The following NDST3 variants were observed in gnomAD, a reference collection of about 807,000 sequenced individuals.
NDST3 encodes the protein bifunctional heparan sulfate N-deacetylase/N-sulfotransferase 3.
Under a neutral mutation model 96.1 loss-of-function variants are expected in NDST3, and 58 were observed. That is an observed-to-expected ratio of 0.60 (90% CI 0.49 to 0.75). The LOEUF is 0.75. Among genes scored for constraint, NDST3 ranks in the 30% least tolerant of loss-of-function variants. The pLI is 0.00. For synonymous variants in NDST3, 333 were observed against 359.7 expected, an observed-to-expected ratio of 0.93 and a Z score of 0.84; for missense variants, 788 against 1,034.2, an observed-to-expected ratio of 0.76 and a Z score of 3.27.
chr4:118,125,727 A>C lies in NDST3; in HGVS notation c.1224+10767A>C, dbSNP rs576673392. Among the ~76,000 whole-genome samples, 5 of 152,190 alleles carry C rather than the reference A, an allele frequency of 3.3e-5. No individual in the cohort carries two copies. The East Asian group carries it at 9.6e-4, about 29-fold the overall frequency. ...TACTTGTACAACCCCTTTATTTTAC[A>C]ATTTTTTAGAAAATGAAAAATCAGA... On this transcript the variant is annotated intron_variant, in intron 4 of 13. Coordinates refer to ENST00000296499, the MANE Select transcript of NDST3 (RefSeq NM_004784.3).
intron 6 of NDST3, among the ~76,000 whole-genome samples, chr4:118,214,665 C>A (rs1012095446): frequency 6.6e-6 from 1 of 152,006 alleles, no homozygotes; most frequent in African/African-American, 2.4e-5. Flanking sequence ...TTTTAAAGAA[C>A]CCAGGTAAGA....
intron 6 of NDST3, among the ~76,000 whole-genome samples, chr4:118,150,830 A>G (rs562468973): frequency 3.3e-5 from 5 of 152,152 alleles, no homozygotes; most frequent in Admixed American, 2.0e-4. Context: ...TCAGTGTGGC[A>G]ATTCCTCAAG....
At chr4:118,147,281 GAGTGTTCGTTGATT>G (rs1171415868) in intron 6 of NDST3, among the ~76,000 whole-genome samples, 2 of 152,170 alleles carry the variant, frequency 1.3e-5, no homozygotes, top group Non-Finnish European at 2.9e-5. Flanking sequence ...ACAGACCTCA[GAGTGTTCGTTGATT>G]AAGGATGGTA....
intron 8 of NDST3, among the ~76,000 whole-genome samples, chr4:118,231,645 A>C (rs909759537): frequency 1.6e-4 from 25 of 152,096 alleles, no homozygotes. Flanking sequence ...CTAGCTATTG[A>C]CTTGGAATAT....
Position 118,053,980 on chromosome 4 carries a change from G to C in NDST3, c.70G>C (p.Val24Leu), listed in dbSNP as rs1299918208. 6.2e-7 allele frequency: 1 copy of C among 1,611,694 alleles called. No individual in the cohort carries two copies. The highest frequency in any genetic ancestry group is 8.5e-7 in the Non-Finnish European group (1 of 1,178,800). The change falls in exon 2 of 14, where the codon GTG (valine) becomes CTG (leucine). Residue 24 changes from valine (V) to leucine (L), a missense_variant. Physicochemically the swap from Val to Leu is conservative, Grantham distance 32 (BLOSUM62 1). Coordinates refer to ENST00000296499, the MANE Select transcript of NDST3 (RefSeq NM_004784.3). Reference sequence around the variant, plus strand: ...CATTCTGCTTGCCACTTTTTGTATGGTGAGCATTATCATTTCTGCTTACTA... The same window carrying C: ...CATTCTGCTTGCCACTTTTTGTATGCTGAGCATTATCATTTCTGCTTACTA... ...TVILLATFCM[V>L]SIIISAYYLY...
At chr4:118,089,388 G>T (rs1728689036) in intron 2 of NDST3, among the ~76,000 whole-genome samples, 1 of 151,770 alleles carries the variant, frequency 6.6e-6, no homozygotes, top group Admixed American at 6.6e-5. Context: ...TGTTATCCTG[G>T]ACTTCTGGTG....
At chr4:118,105,494 G>A (rs1578646953) in intron 3 of NDST3, among the ~76,000 whole-genome samples, 1 of 152,118 alleles carries the variant, frequency 6.6e-6, no homozygotes, top group African/African-American at 2.4e-5. Flanking sequence ...GTAGTATTCT[G>A]ACTTCTAATA....
At chr4:118,131,704 C>T (rs997050153) in intron 4 of NDST3, among the ~76,000 whole-genome samples, 124 of 152,000 alleles carry the variant, frequency 8.2e-4, no homozygotes, top group African/African-American at 2.9e-3. Flanking sequence ...TTACTATAGA[C>T]TTTGCAGTCT....
At chr4:118,074,904 C>CT (rs1234845746) in intron 2 of NDST3, among the ~76,000 whole-genome samples, 3 of 151,912 alleles carry the variant, frequency 2.0e-5, no homozygotes, top group African/African-American at 7.3e-5. Flanking sequence ...TTAAGGACTT[C>CT]TTTTTTTATT....
intron 2 of NDST3, among the ~76,000 whole-genome samples, chr4:118,070,137 A>G (rs774827230): frequency 2.0e-5 from 3 of 152,100 alleles, no homozygotes; most frequent in Non-Finnish European, 4.4e-5. Context: ...CAAATCATAA[A>G]TCTTTATCTC....
chr4:118,100,319 A>G (rs1227373228), intron 2 of NDST3, among the ~76,000 whole-genome samples: 1 of 151,996 alleles, frequency 6.6e-6, no homozygotes, highest in East Asian at 1.9e-4. Context: ...CACTTATACC[A>G]TCACCCACCA....
At chr4:118,180,542 A>G (rs1736543644) in intron 6 of NDST3, among the ~76,000 whole-genome samples, 1 of 152,082 alleles carries the variant, frequency 6.6e-6, no homozygotes, top group Non-Finnish European at 1.5e-5. Context: ...GTTCAAAATA[A>G]CCCACTAAAT....
At chr4:118,248,689 T>C (rs979706549) in intron 12 of NDST3, among the ~76,000 whole-genome samples, 2 of 152,228 alleles carry the variant, frequency 1.3e-5, no homozygotes, top group African/African-American at 4.8e-5. Context: ...ATGACAATGG[T>C]TGCCAGTGCT....
At chr4:118,112,737 A>T (rs545608028) in intron 3 of NDST3, among the ~76,000 whole-genome samples, 10 of 152,170 alleles carry the variant, frequency 6.6e-5, no homozygotes, top group Non-Finnish European at 8.8e-5. Flanking sequence ...ATTTAGAAGG[A>T]CCCAAGAACC....
At position 118,128,838 on chromosome 4, in the gene NDST3, C is replaced by T. The variant is rs571628901; in HGVS notation, c.1225-9216C>T. Among the ~76,000 whole-genome samples, 169 of 151,802 alleles carry T rather than the reference C, an allele frequency of 1.1e-3. 4 individuals are homozygous for T. In the South Asian group the frequency reaches 0.031, roughly 28 times the overall value. ...TCCTAGGTGTTTCTTTACTGGGAGA[C>T]GTTTTATTATGTCTTCAATCTTATT... On this transcript the variant is annotated intron_variant, in intron 4 of 13. Transcript: ENST00000296499.
intron 1 of NDST3, among the ~76,000 whole-genome samples, chr4:118,035,885 T>C (rs1459628920): frequency 6.6e-6 from 1 of 152,092 alleles, no homozygotes; most frequent in Non-Finnish European, 1.5e-5. Context: ...CTAAAATGTT[T>C]TAGATAAAAT....
chr4:118,108,289 A>T (rs1003712603), intron 3 of NDST3, among the ~76,000 whole-genome samples: 5 of 152,234 alleles, frequency 3.3e-5, no homozygotes, highest in Admixed American at 3.3e-4. Context: ...GAGAGATGAA[A>T]AGAAGAGTTA....
At chr4:118,232,498 G>A (rs1447654477) in intron 8 of NDST3, among the ~76,000 whole-genome samples, 3 of 151,752 alleles carry the variant, frequency 2.0e-5, no homozygotes, top group Non-Finnish European at 4.4e-5. Flanking sequence ...AAATTAGCCC[G>A]GCACAGTGGT....
chr4:118,127,783 G>C (rs1297769031), intron 4 of NDST3, among the ~76,000 whole-genome samples: 1 of 151,986 alleles, frequency 6.6e-6, no homozygotes, highest in African/African-American at 2.4e-5. Flanking sequence ...GCTTTGTTTA[G>C]TATGGACATT....
Sources: gnomAD v4.1 joint callset for allele counts (sites outside exome capture counted in the v4.1 genomes callset) on GRCh38, gnomAD v4.1.1 for gene constraint, MANE v1.5 for transcripts, NCBI Gene and HGNC (gene_info 2026-07-23, HGNC 2026-07-21) for gene names.